ADCK2: variants seen among roughly 807,000 people sequenced by gnomAD.
The protein encoded by ADCK2 is aarF domain containing kinase 2.
In ADCK2, 37 loss-of-function variants were observed where a neutral mutation model predicts 52.3. The observed-to-expected ratio is 0.71, with a 90% CI of 0.54 to 0.93. The LOEUF is 0.93. Among genes scored for constraint, ADCK2 ranks in the 40% least tolerant of loss-of-function variants. The probability of loss-of-function intolerance (pLI) is 0.00; values close to 1 mark genes in which losing one functional copy is unlikely to be tolerated. For synonymous variants in ADCK2, 321 were observed against 349.2 expected (o/e 0.92, Z 0.90); for missense variants, 695 against 798.7 (o/e 0.87, Z 1.56).
chr7:140,682,068 A>G (rs1462591269), intron 4 of ADCK2, among the ~76,000 whole-genome samples: 1 of 152,210 alleles, frequency 6.6e-6, no homozygotes, highest in Non-Finnish European at 1.5e-5. Context: ...TGTTCAGCAA[A>G]TGTTTATTGA....
In ADCK2 at chr7:140,674,811, A is replaced by G. The variant is rs1359061072; in HGVS notation, c.1080+54A>G. On this transcript the variant is annotated intron_variant, in intron 2 of 7. Coordinates refer to ENST00000072869, the MANE Select transcript of ADCK2 (RefSeq NM_052853.4). The surrounding 1 kb of genome is among the most constrained non-coding windows in gnomAD (Gnocchi z 4.6). Reference sequence around the variant, plus strand: ...AGCACCTAACATAGTTCTTGCCATTAGCTGCTACTTAGTAAATGTTGAATG... The same window carrying G: ...AGCACCTAACATAGTTCTTGCCATTGGCTGCTACTTAGTAAATGTTGAATG... 10 of 1,567,874 alleles carry G rather than the reference A, an allele frequency of 6.4e-6. No individual in the cohort carries two copies. The highest frequency in any genetic ancestry group is 1.7e-4 in the Middle Eastern group (1 of 5,936).
At chr7:140,680,000 T>C (rs1229627800) in intron 3 of ADCK2, among the ~76,000 whole-genome samples, 1 of 152,090 alleles carries the variant, frequency 6.6e-6, no homozygotes, top group African/African-American at 2.4e-5. Flanking sequence ...GATGGTGATA[T>C]GAGATTCAGG....
intron 4 of ADCK2, among the ~76,000 whole-genome samples, chr7:140,681,387 G>A (rs911671843): frequency 6.6e-6 from 1 of 151,244 alleles, no homozygotes; most frequent in East Asian, 1.9e-4. Flanking sequence ...GCGTGATCTC[G>A]GCTCACTGCA....
In ADCK2 at chr7:140,691,769, A is replaced by G. The variant is rs182229615; in HGVS notation, c.1740+956A>G. On this transcript the variant is annotated intron_variant, in intron 7 of 7. Coordinates refer to ENST00000072869, the MANE Select transcript of ADCK2 (RefSeq NM_052853.4). ...ACTATATGACATCTATTAGTAACCAATTTATCCCCTCAGTCTTCCAAGAGG... is the reference window on the plus strand; with the variant it reads ...ACTATATGACATCTATTAGTAACCAGTTTATCCCCTCAGTCTTCCAAGAGG... Among the ~76,000 whole-genome samples, 959 of 152,296 alleles carry G rather than the reference A, an allele frequency of 6.3e-3. 4 individuals carry two copies. The highest frequency in any genetic ancestry group is 0.011 in the Admixed American group (169 of 15,290).
Position 140,693,954 on chromosome 7 carries a change from C to T in ADCK2, c.1741-709C>T, listed in dbSNP as rs998631341. 7.9e-5 allele frequency among the ~76,000 whole-genome samples: 12 copies of T among 152,098 alleles called. No homozygotes were observed. The highest frequency in any genetic ancestry group is 2.7e-4 in the African/African-American group (11 of 41,414). On this transcript the variant is annotated intron_variant, in intron 7 of 7. Coordinates refer to ENST00000072869, the MANE Select transcript of ADCK2 (RefSeq NM_052853.4). This position sits in a 1 kb window ranked among gnomAD's most constrained non-coding sequence, Gnocchi z 4.0. Reference sequence around the variant, plus strand: ...TCGATCTCCTGACCTCATGATCCGCCCGCCTCGGTCTCCCAAAGGGCTGGG... The same window carrying T: ...TCGATCTCCTGACCTCATGATCCGCTCGCCTCGGTCTCCCAAAGGGCTGGG...
At position 140,687,256 on chromosome 7, in the gene ADCK2, G is replaced by C. The variant is rs1435052123; in HGVS notation, c.1557+15G>C. 3.3e-6 allele frequency: 5 copies of C among 1,537,672 alleles called. No homozygotes were observed. In the Admixed American group the frequency reaches 7.9e-5, roughly 24 times the overall value. On this transcript the variant is annotated intron_variant, in intron 5 of 7. Coordinates refer to ENST00000072869, the MANE Select transcript of ADCK2 (RefSeq NM_052853.4). ...TGATGGGGCAGGTGAGACGCACTGG[G>C]ACCACAGAAGTTGGGGTGAATTTTT...
chr7:140,683,268 AGCGAGAC>A (rs1794549178), intron 4 of ADCK2, among the ~76,000 whole-genome samples: 1 of 152,178 alleles, frequency 6.6e-6, no homozygotes, highest in Non-Finnish European at 1.5e-5. Context: ...CTGGCGACAG[AGCGAGAC>A]TCCGTCTAAA....
intron 6 of ADCK2, among the ~76,000 whole-genome samples, chr7:140,690,489 G>A (rs1355721789): frequency 1.4e-5 from 2 of 140,214 alleles, no homozygotes; most frequent in African/African-American, 2.5e-5. Context: ...AGGCAGGTGT[G>A]ATTTTTGTGG....
At chr7:140,683,735 T>C (rs977499791) in intron 4 of ADCK2, among the ~76,000 whole-genome samples, 1 of 152,158 alleles carries the variant, frequency 6.6e-6, no homozygotes, top group Non-Finnish European at 1.5e-5. Context: ...TCTGGAGACA[T>C]TCTTGGTTGT....
In ADCK2 at chr7:140,678,462, G is replaced by A. The variant is rs950003133; in HGVS notation, c.1081-693G>A. On this transcript the variant is annotated intron_variant, in intron 2 of 7. Transcript: ENST00000072869. This position sits in a 1 kb window ranked among gnomAD's most constrained non-coding sequence, Gnocchi z 4.9. Reference sequence around the variant, plus strand: ...GCTGAGGGCTTGGTGGCTGTCAAGGGGACACACACGCTCACTTCGGTCAGG... The same window carrying A: ...GCTGAGGGCTTGGTGGCTGTCAAGGAGACACACACGCTCACTTCGGTCAGG... 2.6e-5 allele frequency among the ~76,000 whole-genome samples: 4 copies of A among 152,148 alleles called. No homozygotes were observed. Among genetic ancestry groups the A allele is most frequent in the Non-Finnish European group, 4.4e-5 (3 of 68,034 alleles).
rs549735595 is a variant in ADCK2 at position 140,673,057 on chromosome 7, G to A, written c.-274G>A. On this transcript the variant is annotated 5_prime_UTR_variant, in exon 1 of 8. Coordinates refer to ENST00000072869, the MANE Select transcript of ADCK2 (RefSeq NM_052853.4). The surrounding 1 kb of genome is among the most constrained non-coding windows in gnomAD (Gnocchi z 6.4). The stretch of plus-strand genomic sequence containing the variant: ...CTCAGGTCGCGGGCGCCCGGGGCCT[G>A]GCTTCGCGTGGGTCCTGGCTCCTCC... 4.8e-6 allele frequency: 1 copy of A among 210,470 alleles called. No individual in the cohort carries two copies. The highest frequency in any genetic ancestry group is 1.1e-4 in the East Asian group (1 of 8,720). 13.0% of individuals were successfully genotyped at this position (210,470 alleles called of 1,614,324 possible). A position where few individuals can be genotyped will look rare whatever the true frequency, so the allele number is the denominator to read the frequency against.
chr7:140,682,156 G>A (rs770492428), intron 4 of ADCK2, among the ~76,000 whole-genome samples: 6 of 152,184 alleles, frequency 3.9e-5, no homozygotes, highest in Admixed American at 6.5e-5. Context: ...TACAATGCTC[G>A]TGACATACTA....
chr7:140,679,662 CTTTTTTTTTTTTTTT>C lies in ADCK2; in HGVS notation c.1209+393_1209+407del, dbSNP rs57302302. Among the ~76,000 whole-genome samples the C allele has an allele frequency of 6.4e-3, 480 of 75,408 alleles. 4 individuals carry two copies. The highest frequency in any genetic ancestry group is 0.021 in the African/African-American group (458 of 22,024). The allele number at this position is 75,408 out of a possible 152,430, so 49.5% of individuals were successfully genotyped here. On this transcript the variant is annotated intron_variant, in intron 3 of 7. Coordinates refer to ENST00000072869, the MANE Select transcript of ADCK2 (RefSeq NM_052853.4). ...TCTACTCTAGTTCAGCCTTCTCTCT[CTTTTTTTTTTTTTTT>C]TTTTTTTTTTTTTGAGATAGAGTCT...
intron 4 of ADCK2, among the ~76,000 whole-genome samples, chr7:140,683,169 T>C (rs1044760766): frequency 6.6e-6 from 1 of 151,578 alleles, no homozygotes; most frequent in African/African-American, 2.4e-5. Flanking sequence ...GACGTGGTGG[T>C]GCATGCCTGT....
chr7:140,675,065 T>A (rs1250080203), intron 2 of ADCK2, among the ~76,000 whole-genome samples: 36 of 152,076 alleles, frequency 2.4e-4, no homozygotes, highest in Non-Finnish European at 7.4e-5. Flanking sequence ...CAACATGGTG[T>A]AACCCTGTCT....
In ADCK2 at chr7:140,674,858, A is replaced by T; in HGVS notation, c.1080+101A>T. Reference sequence around the variant, plus strand: ...AATGAATAATTTTCTGGTATGTCATAACTCATGTGATGTGTTAGAGCTGGT... The same window carrying T: ...AATGAATAATTTTCTGGTATGTCATTACTCATGTGATGTGTTAGAGCTGGT... On this transcript the variant is annotated intron_variant, in intron 2 of 7. Coordinates refer to ENST00000072869, the MANE Select transcript of ADCK2 (RefSeq NM_052853.4). The surrounding 1 kb of genome is among the most constrained non-coding windows in gnomAD (Gnocchi z 4.6). The T allele has an allele frequency of 7.2e-7, 1 of 1,382,834 alleles. No homozygotes were observed. Among genetic ancestry groups the T allele is most frequent in the South Asian group, 1.4e-5 (1 of 70,428 alleles). 85.7% of individuals were successfully genotyped at this position (1,382,834 alleles called of 1,614,324 possible).
intron 4 of ADCK2, among the ~76,000 whole-genome samples, chr7:140,681,443 A>G (rs2930318): frequency 0.25 from 38,070 of 151,100 alleles, 6,525 homozygotes; most frequent in African/African-American, 0.49. Context: ...TCAGCCTCCC[A>G]AGTAGCTGGG....
Position 140,674,347 on chromosome 7 carries a change from T to G in ADCK2, c.933+84T>G. 1 of 1,386,356 alleles carries G rather than the reference T, an allele frequency of 7.2e-7. No individual in the cohort carries two copies. Among genetic ancestry groups the G allele is most frequent in the Non-Finnish European group, 9.7e-7 (1 of 1,027,792 alleles). 85.9% of individuals were successfully genotyped at this position (1,386,356 alleles called of 1,614,324 possible). On this transcript the variant is annotated intron_variant, in intron 1 of 7. Transcript: ENST00000072869. This position sits in a 1 kb window ranked among gnomAD's most constrained non-coding sequence, Gnocchi z 4.6. Reference sequence around the variant, plus strand: ...AACCGCCATGCAAATCGCCCCCACGTTTATTTCTATTTGCCTGACCAATAT... The same window carrying G: ...AACCGCCATGCAAATCGCCCCCACGGTTATTTCTATTTGCCTGACCAATAT...
intron 6 of ADCK2, 39 bp from the exon 7 acceptor site, chr7:140,690,721 G>T (rs770135576): frequency 6.2e-7 from 1 of 1,604,994 alleles, no homozygotes; most frequent in Admixed American, 1.7e-5. Context: ...GTTCTGGAAG[G>T]CTCGGTGGTC....
Sources: allele counts gnomAD v4.1 joint callset (sites outside exome capture counted in the v4.1 genomes callset), GRCh38; gene constraint gnomAD v4.1.1; non-coding constraint Gnocchi (gnomAD v3.1); transcripts MANE v1.5; gene names NCBI Gene and HGNC (gene_info 2026-07-23, HGNC 2026-07-21).